Variants in CCDC40 observed in about 807,000 individuals in gnomAD.
The protein encoded by CCDC40 is coiled-coil domain 40 molecular ruler complex subunit.
A neutral mutation model predicts 124.5 loss-of-function variants in CCDC40; 104 were observed. The observed-to-expected ratio is 0.84, with a 90% confidence interval of 0.71 to 0.98. CCDC40 has a LOEUF of 0.98. Ranked by LOEUF, CCDC40 falls within the 50% of genes least tolerant of loss-of-function variation. CCDC40 has a pLI of 0.00. For synonymous variants in CCDC40, 580 were observed against 602.9 expected, an observed-to-expected ratio of 0.96 and a Z score of 0.56; for missense variants, 1,463 against 1,503.9, an observed-to-expected ratio of 0.97 and a Z score of 0.45.
intron 1 of CCDC40, chr17:80,036,897 T>G: frequency 2.1e-6 from 1 of 474,020 alleles, no homozygotes; most frequent in Non-Finnish European, 3.7e-6. Context: ...CCCTTCTCAC[T>G]TCTCCCCTCC....
chr17:80,090,258 CGCGCGCGGGCACGTGCACGAACAACACG>C, intron 17 of CCDC40: 1 of 809,710 alleles, frequency 1.2e-6, no homozygotes, highest in Non-Finnish European at 1.8e-6. Flanking sequence ...CAACACGGGA[CGCGCGCGGGCACGTGCACGAACAACACG>C]GGACGCGCGC....
intron 17 of CCDC40, among the ~76,000 whole-genome samples, chr17:80,094,627 G>A (rs1381767746): frequency 6.6e-5 from 10 of 152,144 alleles, no homozygotes; most frequent in African/African-American, 1.7e-4. Flanking sequence ...CCCGGGAGGC[G>A]AAGGTTGCAG....
At chr17:80,098,550 C>T (rs1242345743) in intron 19 of CCDC40, among the ~76,000 whole-genome samples, 3 of 152,156 alleles carry the variant, frequency 2.0e-5, no homozygotes, top group African/African-American at 4.8e-5. Context: ...TGAGCAGAGA[C>T]GGAGGTGGAG....
In CCDC40 at chr17:80,088,001, C is replaced by A; in HGVS notation, c.2620-10C>A. On this transcript the variant is annotated splice_polypyrimidine_tract_variant and intron_variant, in intron 15 of 19. Coordinates refer to ENST00000397545, the MANE Select transcript of CCDC40 (RefSeq NM_017950.4). ...CTCCCCACAGCTGTCCCGCCCCCTC[C>A]CCCATGCAGGCCTCTGAGAGGGAGA... 1 of 1,602,992 alleles carries A rather than the reference C, an allele frequency of 6.2e-7. No individual in the cohort carries two copies.
rs1164782051 is a variant in CCDC40, at chr17:80,055,981, CAT to C, written c.1160-2478_1160-2477del. On this transcript the variant is annotated intron_variant, in intron 7 of 19. Coordinates refer to ENST00000397545, the MANE Select transcript of CCDC40 (RefSeq NM_017950.4). ...CACACCACCAGGCCTGGCTAATTTT[CAT>C]ATATATATATATATATATATATATA... Among the ~76,000 whole-genome samples the C allele has an allele frequency of 1.0e-3, 27 of 26,096 alleles. 3 individuals carry two copies. The East Asian group carries it at 0.026, about 26-fold the overall frequency. The allele number at this position is 26,096 out of a possible 152,430, so 17.1% of individuals were successfully genotyped here. A position where few individuals can be genotyped will look rare whatever the true frequency, so the allele number is the denominator to read the frequency against.
intron 9 of CCDC40, among the ~76,000 whole-genome samples, chr17:80,061,729 C>A (rs375073291): frequency 6.6e-6 from 1 of 152,214 alleles, no homozygotes. Flanking sequence ...GACAGGGAGT[C>A]CCCTACAGAG....
At chr17:80,093,205 G>A (rs2038750920) in intron 17 of CCDC40, among the ~76,000 whole-genome samples, 2 of 152,150 alleles carry the variant, frequency 1.3e-5, no homozygotes, top group Admixed American at 1.3e-4. Flanking sequence ...TTAAGACAGA[G>A]TCTTGCTCTG....
intron 17 of CCDC40, chr17:80,090,386 C>A (rs2038698661): frequency 9.5e-7 from 1 of 1,054,710 alleles, no homozygotes; most frequent in East Asian, 2.8e-5. Flanking sequence ...AGGACACACA[C>A]AGCACGTGCA....
intron 10 of CCDC40, among the ~76,000 whole-genome samples, chr17:80,072,824 C>A (rs1447030514): frequency 2.0e-5 from 3 of 152,172 alleles, no homozygotes; most frequent in Non-Finnish European, 4.4e-5. Flanking sequence ...CATCCACCAA[C>A]TGATGGACAT....
intron 16 of CCDC40, chr17:80,089,443 T>G: frequency 2.8e-6 from 1 of 353,522 alleles, no homozygotes; most frequent in South Asian, 2.5e-5. Flanking sequence ...GGCTTTTTAC[T>G]TTTTCTTAAG....
intron 7 of CCDC40, among the ~76,000 whole-genome samples, chr17:80,055,486 G>C (rs1424210137): frequency 6.6e-6 from 1 of 152,046 alleles, no homozygotes; most frequent in African/African-American, 2.4e-5. Context: ...TGATGAGCCT[G>C]TCTGAAAAAA....
chr17:80,093,165 C>T (rs1470783182), intron 17 of CCDC40, among the ~76,000 whole-genome samples: 1 of 152,174 alleles, frequency 6.6e-6, no homozygotes, highest in East Asian at 1.9e-4. Context: ...TAACTCTATA[C>T]TTACGAAATT....
At chr17:80,082,159 C>G (rs1366456700) in intron 12 of CCDC40, 101 bp downstream of exon 12, 4 of 971,348 alleles carry the variant, frequency 4.1e-6, no homozygotes, top group Non-Finnish European at 6.5e-6. Flanking sequence ...TCAGTGTGAG[C>G]AGAGGGCCCT....
intron 1 of CCDC40, among the ~76,000 whole-genome samples, chr17:80,037,311 G>A (rs746635127): frequency 1.3e-5 from 2 of 152,212 alleles, no homozygotes; most frequent in Non-Finnish European, 2.9e-5. Flanking sequence ...CTGCCACCGG[G>A]CCTCTGCTCG....
chr17:80,038,220 A>G (rs1353154773), intron 2 of CCDC40, 34 bp downstream of exon 2: 6 of 1,383,272 alleles, frequency 4.3e-6, no homozygotes, highest in Middle Eastern at 1.8e-4. Context: ...TTCCGGGCTT[A>G]TATTTACTAG....
At chr17:80,076,364 A>C (rs2038310929) in intron 10 of CCDC40, among the ~76,000 whole-genome samples, 1 of 152,134 alleles carries the variant, frequency 6.6e-6, no homozygotes, top group Non-Finnish European at 1.5e-5. Flanking sequence ...ACCTGAGCTC[A>C]GGAGTTTGAG....
chr17:80,065,312 T>C (rs1201739529), intron 9 of CCDC40, among the ~76,000 whole-genome samples, 173 bp from the exon 10 acceptor site: 5 of 147,790 alleles, frequency 3.4e-5, no homozygotes, highest in African/African-American at 1.3e-4. Flanking sequence ...ACGGGTTATC[T>C]TGAAAGCTAC....
intron 7 of CCDC40, among the ~76,000 whole-genome samples, chr17:80,057,544 C>T (rs571280675): frequency 3.1e-4 from 47 of 152,268 alleles, no homozygotes; most frequent in African/African-American, 1.1e-3. Context: ...TACTGACCCA[C>T]GTGTAGCTCC....
Position 80,097,399 on chromosome 17 carries a change from G to T in CCDC40, c.3176G>T (p.Arg1059Leu). Residue 1059 changes from arginine to leucine, a missense_variant, in exon 19 of 20, where the codon CGA (arginine) becomes CTA (leucine). Physicochemically the swap from Arg to Leu is moderately radical, Grantham distance 102. Coordinates refer to ENST00000397545, the MANE Select transcript of CCDC40 (RefSeq NM_017950.4). ...CTCACCCGGCTTGGGGCCCTCAAACGACAGGTAAACGTGTCCCAGGAGGTC... is the reference window on the plus strand; with the variant it reads ...CTCACCCGGCTTGGGGCCCTCAAACTACAGGTAAACGTGTCCCAGGAGGTC... ...ADLTRLGALK[R>L]QNLSEIVALQ... 6.2e-7 allele frequency: 1 copy of T among 1,613,922 alleles called. No individual in the cohort carries two copies. The highest frequency in any genetic ancestry group is 1.3e-5 in the African/African-American group (1 of 75,046).
Sources: allele counts gnomAD v4.1 joint callset (sites outside exome capture counted in the v4.1 genomes callset), GRCh38; gene constraint gnomAD v4.1.1; transcripts MANE v1.5; gene names NCBI Gene and HGNC (gene_info 2026-07-23, HGNC 2026-07-21).